AMBRA1: variants seen among roughly 807,000 people sequenced by gnomAD.
AMBRA1 encodes autophagy and beclin 1 regulator 1.
In AMBRA1, 47 loss-of-function variants were observed where a neutral mutation model predicts 125.4. The ratio of observed to expected loss-of-function variants is 0.37; its 90% CI spans 0.30 to 0.48. The LOEUF (loss-of-function observed/expected upper bound fraction) is 0.48, where lower values mean the gene tolerates loss of function less well. Ranked by LOEUF, AMBRA1 falls within the 20% of genes least tolerant of loss-of-function variation. The pLI is 0.99. For missense variants in AMBRA1, 1,331 were observed against 1,693.4 expected (o/e 0.79, Z 3.76); for synonymous variants, 626 against 655.5 (o/e 0.95, Z 0.69).
intron 9 of AMBRA1, among the ~76,000 whole-genome samples, chr11:46,501,039 C>A (rs1841941083): frequency 6.6e-6 from 1 of 152,204 alleles, no homozygotes. Context: ...GGCTCATCTG[C>A]CACACATCTT....
chr11:46,495,766 A>G (rs1950606594), intron 9 of AMBRA1, among the ~76,000 whole-genome samples: 1 of 152,242 alleles, frequency 6.6e-6, no homozygotes, highest in Admixed American at 6.5e-5. Context: ...CAAATATACT[A>G]CTGTTGTGAT....
chr11:46,490,609 A>G (rs1950425503), intron 11 of AMBRA1, among the ~76,000 whole-genome samples: 1 of 152,130 alleles, frequency 6.6e-6, no homozygotes, highest in Non-Finnish European at 1.5e-5. Flanking sequence ...GCACTACAGT[A>G]CTGGTCACAC....
intron 1 of AMBRA1, among the ~76,000 whole-genome samples, chr11:46,575,674 G>A (rs2043938418): frequency 2.0e-5 from 3 of 151,736 alleles, no homozygotes; most frequent in Non-Finnish European, 1.5e-5. Context: ...ACGCCACCAC[G>A]CCCAACTAAT....
intron 16 of AMBRA1, 72 bp downstream of exon 16, chr11:46,410,204 A>T: frequency 6.9e-7 from 1 of 1,446,336 alleles, no homozygotes; most frequent in Non-Finnish European, 9.7e-7. Context: ...GGCGCTGCTT[A>T]AGAGCCCATC....
intron 1 of AMBRA1, among the ~76,000 whole-genome samples, chr11:46,552,199 T>A (rs1383519313): frequency 6.8e-6 from 1 of 146,470 alleles, no homozygotes; most frequent in Non-Finnish European, 1.5e-5. Flanking sequence ...CGAAACCCCA[T>A]CTCTACTGAA....
chr11:46,556,962 C>A (rs1208497260), intron 1 of AMBRA1, among the ~76,000 whole-genome samples: 1 of 151,880 alleles, frequency 6.6e-6, no homozygotes, highest in African/African-American at 2.4e-5. Flanking sequence ...CATGGAGAAA[C>A]CCTGTCTCTA....
intron 14 of AMBRA1, among the ~76,000 whole-genome samples, chr11:46,418,664 C>T (rs747554696): frequency 2.0e-5 from 3 of 151,974 alleles, no homozygotes; most frequent in African/African-American, 2.4e-5. Flanking sequence ...GGTTTTCGAA[C>T]AGGATGACTC....
intron 1 of AMBRA1, among the ~76,000 whole-genome samples, chr11:46,568,412 C>G (rs1410487346): frequency 6.6e-6 from 1 of 151,834 alleles, no homozygotes; most frequent in Non-Finnish European, 1.5e-5. Context: ...GAGCTGAGAT[C>G]ATGCCATTGC....
rs59904013 is a variant in AMBRA1, at chr11:46,527,477, CAAAAAAAAA to C, written c.2072+14459_2072+14467del. Among the ~76,000 whole-genome samples, 26 of 25,938 alleles carry C rather than the reference CAAAAAAAAA, an allele frequency of 1.0e-3. 1 individual carries two copies. Among genetic ancestry groups the C allele is most frequent in the Admixed American group, 2.8e-3 (4 of 1,446 alleles). The allele number at this position is 25,938 out of a possible 152,430, so 17.0% of individuals were successfully genotyped here. On this transcript the variant is annotated intron_variant, in intron 7 of 17. Coordinates refer to ENST00000683756, the MANE Select transcript of AMBRA1 (RefSeq NM_001387011.1). The stretch of plus-strand genomic sequence containing the variant: ...CCTAGGTGACAAAGTGAGACTGTCT[CAAAAAAAAA>C]AAAAAAAAAAAAAAAAAAGGCAACC...
intron 11 of AMBRA1, among the ~76,000 whole-genome samples, chr11:46,488,910 G>GT (rs997875292): frequency 2.0e-5 from 3 of 151,934 alleles, no homozygotes; most frequent in Non-Finnish European, 2.9e-5. Context: ...AGGTTTTTTT[G>GT]TTTTTTTGTG....
At chr11:46,470,406 G>A (rs559703215) in intron 11 of AMBRA1, among the ~76,000 whole-genome samples, 13 of 152,062 alleles carry the variant, frequency 8.5e-5, no homozygotes, top group East Asian at 1.9e-4. Flanking sequence ...TGGCTAACAC[G>A]GTGAAACCCT....
chr11:46,570,261 C>CAAAAAAA (rs200875374), intron 1 of AMBRA1, among the ~76,000 whole-genome samples: 14 of 14,294 alleles, frequency 9.8e-4, no homozygotes, highest in African/African-American at 3.8e-3. Context: ...GACCATGTCT[C>CAAAAAAA]AAAAAAAAAA....
At chr11:46,585,715 T>A (rs1740464417) in intron 1 of AMBRA1, among the ~76,000 whole-genome samples, 1 of 95,096 alleles carries the variant, frequency 1.1e-5, no homozygotes, top group Non-Finnish European at 2.1e-5. Flanking sequence ...TATATATATA[T>A]ATATATATTC....
chr11:46,492,915 G>A (rs958406155), intron 11 of AMBRA1, among the ~76,000 whole-genome samples: 2 of 152,188 alleles, frequency 1.3e-5, no homozygotes, highest in African/African-American at 2.4e-5. Flanking sequence ...TGGGCGTGGT[G>A]GCGGGCACCT....
chr11:46,497,296 A>G (rs900549329), intron 9 of AMBRA1, among the ~76,000 whole-genome samples: 2 of 152,160 alleles, frequency 1.3e-5, no homozygotes, highest in African/African-American at 4.8e-5. Flanking sequence ...TATATAAAGG[A>G]AAACAAGAAT....
intron 9 of AMBRA1, among the ~76,000 whole-genome samples, chr11:46,500,099 A>T (rs943594654): frequency 6.6e-6 from 1 of 152,182 alleles, no homozygotes; most frequent in Non-Finnish European, 1.5e-5. Flanking sequence ...TCAGATAATA[A>T]ATCACAGCCT....
chr11:46,397,686 G>T lies in AMBRA1; in HGVS notation c.3661C>A (p.Leu1221Met). 1 of 1,613,076 alleles carries T rather than the reference G, an allele frequency of 6.2e-7. No individual in the cohort carries two copies. The highest frequency in any genetic ancestry group is 8.5e-7 in the Non-Finnish European group (1 of 1,179,502). Residue 1221 changes from leucine (L) to methionine (M), a missense_variant, in exon 18 of 18, where the codon CTG (leucine) becomes ATG (methionine). Coordinates refer to ENST00000683756, the MANE Select transcript of AMBRA1 (RefSeq NM_001387011.1). Reference sequence around the variant, plus strand: ...CGGGGGCTTAGGCCTCGCTCTGCCAGTTGCCCGGCCTCTGGGAGCAGTCCC... The same window carrying T: ...CGGGGGCTTAGGCCTCGCTCTGCCATTTGCCCGGCCTCTGGGAGCAGTCCC... ...SRGLLPEAGQ[L>M]AERGLSPRTA...
intron 11 of AMBRA1, among the ~76,000 whole-genome samples, chr11:46,481,315 A>G (rs192285578): frequency 6.6e-6 from 1 of 152,316 alleles, no homozygotes; most frequent in East Asian, 1.9e-4. Context: ...TTCTAGGGGA[A>G]AGGATCTGCG....
intron 14 of AMBRA1, among the ~76,000 whole-genome samples, chr11:46,420,057 G>A (rs1341381039): frequency 8.4e-6 from 1 of 118,954 alleles, no homozygotes; most frequent in East Asian, 2.5e-4. Flanking sequence ...AATGTGCCCA[G>A]GTAGCTAAAT....
Sources: allele counts gnomAD v4.1 joint callset (sites outside exome capture counted in the v4.1 genomes callset), GRCh38; gene constraint gnomAD v4.1.1; transcripts MANE v1.5; gene names NCBI Gene and HGNC (gene_info 2026-07-23, HGNC 2026-07-21).